IDE: variants seen among roughly 807,000 people sequenced by gnomAD.
IDE encodes insulin degrading enzyme.
In IDE, 58 loss-of-function variants were observed where a neutral mutation model predicts 133.2. The observed-to-expected ratio is 0.44, with a 90% CI of 0.35 to 0.54. IDE has a LOEUF of 0.54. Ranked by LOEUF, IDE falls within the 20% of genes least tolerant of loss-of-function variation. The probability of loss-of-function intolerance (pLI) is 0.00; values close to 1 mark genes in which losing one functional copy is unlikely to be tolerated. For missense variants in IDE, 981 were observed against 1,234.0 expected, an observed-to-expected ratio of 0.79 and a Z score of 3.07; for synonymous variants, 396 against 421.3, an observed-to-expected ratio of 0.94 and a Z score of 0.73.
intron 7 of IDE, among the ~76,000 whole-genome samples, 169 bp downstream of exon 7, chr10:92,508,559 G>GAAA (rs5787000): frequency 2.8e-4 from 37 of 130,572 alleles, no homozygotes; most frequent in Admixed American, 1.3e-3. Context: ...ATCTAAAAAA[G>GAAA]AAAAAAAAAA....
chr10:92,458,482 C>G (rs892261033), intron 22 of IDE, among the ~76,000 whole-genome samples: 19 of 143,880 alleles, frequency 1.3e-4, no homozygotes, highest in Non-Finnish European at 4.5e-5. Flanking sequence ...GTTATAAATA[C>G]TCTCTCTGTT....
intron 1 of IDE, among the ~76,000 whole-genome samples, chr10:92,549,174 G>A (rs950265224): frequency 1.3e-5 from 2 of 151,876 alleles, no homozygotes; most frequent in African/African-American, 4.8e-5. Flanking sequence ...ACAAGAATCA[G>A]TTGAATCTGG....
intron 19 of IDE, among the ~76,000 whole-genome samples, chr10:92,467,287 A>G (rs1458613768): frequency 1.3e-5 from 2 of 151,992 alleles, no homozygotes; most frequent in African/African-American, 4.8e-5. Context: ...TACCCAGCCT[A>G]ATCTCAAATT....
At chr10:92,516,029 C>T (rs1490513067) in intron 4 of IDE, among the ~76,000 whole-genome samples, 19 of 151,266 alleles carry the variant, frequency 1.3e-4, no homozygotes, top group Non-Finnish European at 2.7e-4. Flanking sequence ...ATTAGCCAGG[C>T]GTGGTGGCAC....
intron 3 of IDE, among the ~76,000 whole-genome samples, chr10:92,533,762 G>T (rs1365819805): frequency 6.7e-6 from 1 of 149,740 alleles, no homozygotes; most frequent in African/African-American, 2.5e-5. Context: ...AGTGGCTCAT[G>T]CCTGTAATCC....
At chr10:92,459,824 C>CTTTTTT (rs901315055) in intron 22 of IDE, among the ~76,000 whole-genome samples, 2 of 92,788 alleles carry the variant, frequency 2.2e-5, no homozygotes, top group African/African-American at 4.4e-5. Context: ...GTGTGAACCT[C>CTTTTTT]TTTTTTTTTT....
At chr10:92,465,590 T>G (rs549786749) in intron 20 of IDE, 86 bp downstream of exon 20, 22 of 1,150,432 alleles carry the variant, frequency 1.9e-5, no homozygotes, top group African/African-American at 1.2e-4. Context: ...ATATACAGTG[T>G]TAGGTGAAAA....
At chr10:92,562,298 T>C (rs1275774781) in intron 1 of IDE, among the ~76,000 whole-genome samples, 1 of 152,178 alleles carries the variant, frequency 6.6e-6, no homozygotes, top group Non-Finnish European at 1.5e-5. Context: ...GAGTTAGTGA[T>C]ATGTAAGCAC....
intron 1 of IDE, among the ~76,000 whole-genome samples, chr10:92,569,230 G>C (rs1481447744): frequency 1.8e-5 from 2 of 112,594 alleles, no homozygotes; most frequent in African/African-American, 7.6e-5. Context: ...GACTGGAGAA[G>C]AGTTAGGCTG....
rs1168675542 is a variant in IDE, at chr10:92,537,530, C to T, written c.119G>A (p.Ser40Asn). ...RLCGFQKKTY[S>N]KMNNPAIKRI... ...CTTGATGGCTGGATTATTCATTTTGCTGTAAGTCTTTTTTTGGAAACTGAA... is the reference window on the plus strand; with the variant it reads ...CTTGATGGCTGGATTATTCATTTTGTTGTAAGTCTTTTTTTGGAAACTGAA... Residue 40 changes from serine (S) to asparagine (N), a missense_variant, in exon 2 of 25, where the codon AGC becomes AAC. Physicochemically the swap from Ser to Asn is conservative, Grantham distance 46. Transcript: ENST00000265986. 1.3e-6 allele frequency: 2 copies of T among 1,592,696 alleles called. No homozygotes were observed. Among genetic ancestry groups the T allele is most frequent in the South Asian group, 1.2e-5 (1 of 86,466 alleles).
chr10:92,506,394 G>T, intron 10 of IDE, 48 bp downstream of exon 10: 3 of 853,290 alleles, frequency 3.5e-6, no homozygotes, highest in South Asian at 1.8e-5. Context: ...CAAGATTGCT[G>T]AAATACTCCA....
chr10:92,571,165 C>T (rs1843768502), intron 1 of IDE, among the ~76,000 whole-genome samples: 2 of 151,850 alleles, frequency 1.3e-5, no homozygotes, highest in Admixed American at 1.3e-4. Context: ...GCGCCCACCA[C>T]CACGCCCGGC....
At chr10:92,488,972 A>G (rs1034073248) in intron 12 of IDE, among the ~76,000 whole-genome samples, 18 of 148,784 alleles carry the variant, frequency 1.2e-4, no homozygotes, top group Non-Finnish European at 2.7e-4. Context: ...GGCCAGGAGT[A>G]AAAAGCAACC....
chr10:92,526,263 G>T (rs1711654629), intron 4 of IDE, among the ~76,000 whole-genome samples: 1 of 151,954 alleles, frequency 6.6e-6, no homozygotes, highest in Non-Finnish European at 1.5e-5. Context: ...TGTGTTCATG[G>T]ACTGGAAGAA....
intron 1 of IDE, among the ~76,000 whole-genome samples, chr10:92,548,945 C>T (rs1842656918): frequency 6.6e-6 from 1 of 152,116 alleles, no homozygotes; most frequent in Non-Finnish European, 1.5e-5. Flanking sequence ...TGCCACTAAG[C>T]AACCTACACT....
chr10:92,574,080 T>G lies in IDE; in HGVS notation c.-61A>C, dbSNP rs1843939174. 7.6e-7 allele frequency: 1 copy of G among 1,308,668 alleles called. No homozygotes were observed. The highest frequency in any genetic ancestry group is 1.0e-6 in the Non-Finnish European group (1 of 967,892). 81.1% of individuals were successfully genotyped at this position (1,308,668 alleles called of 1,614,324 possible). A position where few individuals can be genotyped will look rare whatever the true frequency, so the allele number is the denominator to read the frequency against. ...TCCTGCTTGCGCTTCGAGCCGGCCC[T>G]GCGCACTGCGCATGCTCTAGCCGCG... On this transcript the variant is annotated 5_prime_UTR_variant, in exon 1 of 25. Coordinates refer to ENST00000265986, the MANE Select transcript of IDE (RefSeq NM_004969.4).
At chr10:92,511,563 C>T (rs879493331) in intron 5 of IDE, among the ~76,000 whole-genome samples, 2 of 152,176 alleles carry the variant, frequency 1.3e-5, no homozygotes, top group South Asian at 4.1e-4. Flanking sequence ...CCATTTGGAA[C>T]TTTTCCATGA....
chr10:92,480,824 G>T, intron 14 of IDE: 1 of 348,998 alleles, frequency 2.9e-6, no homozygotes, highest in Non-Finnish European at 4.0e-6. Flanking sequence ...GAACTCCTAG[G>T]CTCAAGCGAT....
intron 4 of IDE, among the ~76,000 whole-genome samples, chr10:92,528,405 A>G (rs1341990413): frequency 6.6e-6 from 1 of 151,894 alleles, no homozygotes; most frequent in Non-Finnish European, 1.5e-5. Flanking sequence ...GTGGGTCAGG[A>G]CCCATTATAT....
Sources: allele counts gnomAD v4.1 joint callset (sites outside exome capture counted in the v4.1 genomes callset), GRCh38; gene constraint gnomAD v4.1.1; transcripts MANE v1.5; gene names NCBI Gene and HGNC (gene_info 2026-07-23, HGNC 2026-07-21).